Variants in TEX9 observed in about 807,000 individuals in gnomAD.
TEX9 encodes the protein testis-expressed protein 9.
Under a neutral mutation model 59.6 loss-of-function variants are expected in TEX9, and 74 were observed. That is an observed-to-expected ratio of 1.24 (90% CI 1.03 to 1.51). The LOEUF (loss-of-function observed/expected upper bound fraction) is 1.51. Among genes scored for constraint, TEX9 ranks in the 40% most tolerant of loss-of-function variants. The pLI is 0.00. For synonymous variants in TEX9, 186 were observed against 152.2 expected (o/e 1.22, Z -1.64); for missense variants, 522 against 447.8 (o/e 1.17, Z -1.49).
chr15:56,388,452 T>C lies in TEX9; in HGVS notation c.264-20T>C. 6.3e-7 allele frequency: 1 copy of C among 1,587,470 alleles called. No homozygotes were observed. Among genetic ancestry groups the C allele is most frequent in the East Asian group, 2.2e-5 (1 of 44,636 alleles). The stretch of plus-strand genomic sequence containing the variant: ...AGTGTCATCTATTATTAATGTATAA[T>C]GTTTATTTTTGGCCTGTAGAGGTCT... On this transcript the variant is annotated intron_variant, in intron 4 of 12. Transcript: ENST00000352903.
At chr15:56,290,280 G>A (rs192856081) in intron 1 of TEX9, among the ~76,000 whole-genome samples, 4 of 152,244 alleles carry the variant, frequency 2.6e-5, no homozygotes, top group African/African-American at 7.2e-5. Context: ...TCTGTGTAAT[G>A]GGTGTTCATT....
chr15:56,289,457 G>A (rs1210549321), intron 1 of TEX9, among the ~76,000 whole-genome samples: 3 of 152,150 alleles, frequency 2.0e-5, no homozygotes, highest in African/African-American at 4.8e-5. Flanking sequence ...CACCATTGAG[G>A]GTTCCAGATG....
intron 12 of TEX9, among the ~76,000 whole-genome samples, chr15:56,431,218 C>T (rs528431090): frequency 1.7e-4 from 26 of 152,096 alleles, no homozygotes; most frequent in Non-Finnish European, 2.8e-4. Context: ...CTGAAATGGG[C>T]CCAGAGAGGT....
chr15:56,363,802 C>G (rs1489538417), upstream of TEX9, among the ~76,000 whole-genome samples: 1 of 151,318 alleles, frequency 6.6e-6, no homozygotes, highest in Admixed American at 6.6e-5. Context: ...GTAGTTGGGA[C>G]TACAGGCATG....
chr15:56,428,601 C>T (rs1323664461), intron 12 of TEX9: 4 of 517,776 alleles, frequency 7.7e-6, no homozygotes, highest in African/African-American at 7.7e-5. Flanking sequence ...AGGAGATTAG[C>T]TATTAGCTCT....
At chr15:56,326,771 C>T (rs573009282) in intron 1 of TEX9, among the ~76,000 whole-genome samples, 34 of 150,964 alleles carry the variant, frequency 2.3e-4, no homozygotes, top group Admixed American at 2.0e-3. Flanking sequence ...TGGGCTACTT[C>T]CTCACCATTT....
At chr15:56,431,931 A>G (rs2050608954) in intron 12 of TEX9, among the ~76,000 whole-genome samples, 1 of 152,080 alleles carries the variant, frequency 6.6e-6, no homozygotes, top group Non-Finnish European at 1.5e-5. Flanking sequence ...GATATGAAGC[A>G]TGAGAATTCC....
intron 9 of TEX9, among the ~76,000 whole-genome samples, chr15:56,406,791 A>G (rs1396937171): frequency 1.3e-5 from 2 of 152,300 alleles, no homozygotes; most frequent in East Asian, 3.9e-4. Flanking sequence ...CGAAAATACT[A>G]AGTTGCAAAT....
At chr15:56,339,383 CAAAAAAAAAAA>C (rs71456382) in intron 1 of TEX9, among the ~76,000 whole-genome samples, 15 of 30,770 alleles carry the variant, frequency 4.9e-4, no homozygotes, top group South Asian at 1.7e-3. Context: ...ACTCCTTCTC[CAAAAAAAAAAA>C]AAAAAAAAAA....
At chr15:56,275,264 C>G (rs2044641593) in intron 1 of TEX9, among the ~76,000 whole-genome samples, 1 of 152,206 alleles carries the variant, frequency 6.6e-6, no homozygotes, top group Non-Finnish European at 1.5e-5. Context: ...ATCCACCCCT[C>G]CAAACCCCAT....
chr15:56,432,268 A>G (rs1264322175), intron 12 of TEX9, among the ~76,000 whole-genome samples: 4 of 152,212 alleles, frequency 2.6e-5, no homozygotes, highest in East Asian at 1.9e-4. Flanking sequence ...AGAAAAATTT[A>G]TAGTAAATTA....
chr15:56,410,699 A>C (rs2049305130), intron 9 of TEX9, among the ~76,000 whole-genome samples: 2 of 152,200 alleles, frequency 1.3e-5, no homozygotes, highest in Admixed American at 1.3e-4. Context: ...CATGTGGTAC[A>C]GGATGGTTTT....
At chr15:56,316,970 GC>G (rs1398120002) in intron 1 of TEX9, among the ~76,000 whole-genome samples, 1 of 152,180 alleles carries the variant, frequency 6.6e-6, no homozygotes, top group African/African-American at 2.4e-5. Flanking sequence ...CTGACCCCTT[GC>G]GCTTCCCAAG....
chr15:56,376,337 C>G (rs1187678037), intron 3 of TEX9, among the ~76,000 whole-genome samples: 1 of 152,116 alleles, frequency 6.6e-6, no homozygotes, highest in Non-Finnish European at 1.5e-5. Context: ...CAAACTGTTT[C>G]CTTTGTAGTT....
At chr15:56,368,185 T>A (rs191381216) in intron 2 of TEX9, among the ~76,000 whole-genome samples, 32 of 152,276 alleles carry the variant, frequency 2.1e-4, no homozygotes, top group African/African-American at 7.7e-4. Context: ...TTTGAATGAG[T>A]GTTAAATGTA....
chr15:56,329,457 G>A lies in TEX9; in HGVS notation c.-106-43984G>A, dbSNP rs534309061. Among the ~76,000 whole-genome samples, 15 of 152,124 alleles carry A rather than the reference G, an allele frequency of 9.9e-5. No individual in the cohort carries two copies. In the East Asian group the frequency reaches 2.7e-3, roughly 27 times the overall value. Reference sequence around the variant, plus strand: ...AACTAAATGAGTTAATTTAGTTCCGGGATAAATCGTGTGGAAACAGAGATA... The same window carrying A: ...AACTAAATGAGTTAATTTAGTTCCGAGATAAATCGTGTGGAAACAGAGATA... On this transcript the variant is annotated intron_variant, in intron 1 of 5. Transcript: ENST00000560827.
chr15:56,413,815 G>A (rs1167662615), intron 10 of TEX9, among the ~76,000 whole-genome samples: 1 of 151,654 alleles, frequency 6.6e-6, no homozygotes, highest in Non-Finnish European at 1.5e-5. Context: ...CACTTAACAG[G>A]AATAGACTGA....
chr15:56,274,162 C>T (rs1201546114), intron 1 of TEX9, among the ~76,000 whole-genome samples: 1 of 152,078 alleles, frequency 6.6e-6, no homozygotes, highest in Non-Finnish European at 1.5e-5. Flanking sequence ...GTGCTCTGAG[C>T]CGTTTTTATT....
chr15:56,345,556 C>T (rs1284657744), intron 1 of TEX9, among the ~76,000 whole-genome samples: 2 of 152,168 alleles, frequency 1.3e-5, no homozygotes, highest in Non-Finnish European at 2.9e-5. Flanking sequence ...CCCAAGTAGG[C>T]TGGGACTACA....
Sources: allele counts gnomAD v4.1 joint callset (sites outside exome capture counted in the v4.1 genomes callset), GRCh38; gene constraint gnomAD v4.1.1; transcripts MANE v1.5; gene names NCBI Gene and HGNC (gene_info 2026-07-23, HGNC 2026-07-21).